The following RELN variants were observed in gnomAD, a reference collection of about 807,000 sequenced individuals.
The protein encoded by RELN is reelin.
Under a neutral mutation model 427.6 loss-of-function variants are expected in RELN, and 108 were observed. The ratio of observed to expected loss-of-function variants is 0.25; its 90% CI spans 0.22 to 0.30. RELN has a LOEUF of 0.30. Among genes scored for constraint, RELN ranks in the 10% least tolerant of loss-of-function variants. The pLI, the probability that RELN is intolerant of heterozygous loss-of-function variation, is 1.00. For missense variants in RELN, 3,715 were observed against 4,302.8 expected (o/e 0.86, Z 3.82); for synonymous variants, 1,524 against 1,513.4 (o/e 1.01, Z -0.16).
chr7:103,553,790 C>A lies in RELN; in HGVS notation c.5839G>T (p.Asp1947Tyr), dbSNP rs932384386. ...ACAGGGTTGTTTACATTATTTCCAT[C>A]GATAATGAAGTCATCAACAATCCAG... ...EIWIVDDFII[D>Y]GNNVNNPVML... The change falls in exon 39 of 65, where the codon GAT becomes TAT. Residue 1947 changes from aspartate (D) to tyrosine (Y), a missense_variant. This residue lies in a region of RELN where 1,310 missense variants were observed against 1,643.0 expected (regional missense o/e 0.80). Transcript: ENST00000428762. 6.2e-7 allele frequency: 1 copy of A among 1,613,790 alleles called. No individual in the cohort carries two copies. The highest frequency in any genetic ancestry group is 1.3e-5 in the African/African-American group (1 of 74,904).
At chr7:103,736,911 G>A (rs1790507882) in intron 6 of RELN, among the ~76,000 whole-genome samples, 1 of 152,168 alleles carries the variant, frequency 6.6e-6, no homozygotes, top group Admixed American at 6.6e-5. Flanking sequence ...GATAGAAAAA[G>A]AGGGGAATGA....
intron 6 of RELN, among the ~76,000 whole-genome samples, chr7:103,738,696 T>A (rs1790559451): frequency 7.2e-6 from 1 of 138,598 alleles, no homozygotes; most frequent in Non-Finnish European, 1.6e-5. Context: ...TTTTTTTTTT[T>A]TTTTTGAGAC....
chr7:103,531,484 T>C (rs771172784), intron 46 of RELN, among the ~76,000 whole-genome samples: 3 of 152,180 alleles, frequency 2.0e-5, no homozygotes, highest in Non-Finnish European at 2.9e-5. Flanking sequence ...TTAGTTTCAG[T>C]GTTCCCTTCC....
chr7:103,595,517 A>C (rs902845321), intron 25 of RELN, among the ~76,000 whole-genome samples: 5 of 152,224 alleles, frequency 3.3e-5, no homozygotes, highest in African/African-American at 1.2e-4. Flanking sequence ...AGTCAAACTT[A>C]TGAACCTTCA....
At chr7:103,593,905 A>G (rs769413194) in intron 26 of RELN, 23 bp from the exon 27 acceptor site, 2 of 1,558,162 alleles carry the variant, frequency 1.3e-6, no homozygotes, top group Non-Finnish European at 1.8e-6. Context: ...ATACAAATAA[A>G]ACAAAAGGCA....
chr7:103,502,483 G>A lies in RELN; in HGVS notation c.8489+533C>T, dbSNP rs924005076. Among the ~76,000 whole-genome samples, 19 of 152,290 alleles carry A rather than the reference G, an allele frequency of 1.2e-4. 1 individual carries two copies. Among genetic ancestry groups the A allele is most frequent in the Admixed American group, 7.2e-4 (11 of 15,296 alleles). The stretch of plus-strand genomic sequence containing the variant: ...TATATCCACAGACTTTGCAGAGCAA[G>A]GTTTAATCACCTCTGCTCATCACTG... On this transcript the variant is annotated intron_variant, in intron 52 of 64. Transcript: ENST00000428762.
At position 103,473,041 on chromosome 7, in the gene RELN, G is replaced by A. The variant is rs190403285; in HGVS notation, c.10287-133C>T. The A allele has an allele frequency of 4.3e-4, 353 of 815,654 alleles. 1 individual carries two copies. In the African/African-American group the frequency reaches 5.3e-3, roughly 12 times the overall value. 50.5% of individuals were successfully genotyped at this position (815,654 alleles called of 1,614,324 possible). ...GTTTGAAAATTTTCAGGGTTAATAG[G>A]TCATGCTCACATTACCACCCAGGGT... On this transcript the variant is annotated intron_variant, in intron 64 of 64. Coordinates refer to ENST00000428762, the MANE Select transcript of RELN (RefSeq NM_005045.4).
At position 103,496,510 on chromosome 7, in the gene RELN, A is replaced by G. The variant is rs186738390; in HGVS notation, c.9193+16T>C. 9 of 1,613,930 alleles carry G rather than the reference A, an allele frequency of 5.6e-6. No individual in the cohort carries two copies. Among genetic ancestry groups the G allele is most frequent in the East Asian group, 4.5e-5 (2 of 44,886 alleles). ...GGCTCACAGGAAAGAAAATTGTTCA[A>G]TGTCTTGTTTCTTACCATCATCAAA... On this transcript the variant is annotated intron_variant, in intron 56 of 64. Transcript: ENST00000428762.
intron 13 of RELN, 118 bp from the exon 14 acceptor site, chr7:103,652,877 G>A (rs1584378969): frequency 1.2e-6 from 1 of 845,232 alleles, no homozygotes; most frequent in East Asian, 2.6e-5. Context: ...TAAGCACCAG[G>A]ACACGTCCTT....
chr7:103,879,676 C>G (rs140369444), intron 2 of RELN, among the ~76,000 whole-genome samples: 7 of 152,150 alleles, frequency 4.6e-5, no homozygotes, highest in African/African-American at 1.7e-4. Context: ...CTGCAACATA[C>G]GCATTTTCAT....
chr7:103,596,439 A>G lies in RELN; in HGVS notation c.3539+17T>C. 1 of 1,602,046 alleles carries G rather than the reference A, an allele frequency of 6.2e-7. No homozygotes were observed. Among genetic ancestry groups the G allele is most frequent in the Non-Finnish European group, 8.5e-7 (1 of 1,169,720 alleles). ...ATTCCTGGAAACTAATGCGAGGACC[A>G]TCAGGTGGGTAGTTACCTGGGTTTG... On this transcript the variant is annotated intron_variant, in intron 25 of 64. Transcript: ENST00000428762.
chr7:103,684,450 A>G (rs906604693), intron 10 of RELN, among the ~76,000 whole-genome samples: 2 of 152,300 alleles, frequency 1.3e-5, no homozygotes, highest in Admixed American at 1.3e-4. Context: ...TTCCTTGGTT[A>G]GGCATTGCTT....
At chr7:103,611,136 T>A (rs548354839) in intron 21 of RELN, among the ~76,000 whole-genome samples, 28 of 152,198 alleles carry the variant, frequency 1.8e-4, no homozygotes, top group Non-Finnish European at 3.5e-4. Context: ...ATTAGTTTAT[T>A]CACTATGATA....
At chr7:103,542,563 G>T (rs756178446) in intron 43 of RELN, among the ~76,000 whole-genome samples, 168 bp downstream of exon 43, 1 of 152,130 alleles carries the variant, frequency 6.6e-6, no homozygotes, top group Non-Finnish European at 1.5e-5. Flanking sequence ...TTTTAGAATA[G>T]AAATTATGTA....
chr7:103,550,479 T>C (rs567693650), intron 41 of RELN, among the ~76,000 whole-genome samples: 8 of 152,342 alleles, frequency 5.3e-5, no homozygotes, highest in Non-Finnish European at 2.9e-5. Context: ...TTTTGAAATA[T>C]ACTTTTCATT....
chr7:103,698,459 G>A (rs1027689579), intron 9 of RELN, among the ~76,000 whole-genome samples: 3 of 152,006 alleles, frequency 2.0e-5, no homozygotes, highest in Non-Finnish European at 2.9e-5. Flanking sequence ...TTTTGCACAT[G>A]GTAAACATAC....
At chr7:103,575,145 TG>T (rs1223790742) in intron 29 of RELN, among the ~76,000 whole-genome samples, 9 of 152,200 alleles carry the variant, frequency 5.9e-5, no homozygotes, top group African/African-American at 2.2e-4. Context: ...TGAATGATCT[TG>T]GGATAGTTAT....
rs1797143483 is a variant in RELN, at chr7:103,988,180, T to C, written c.226+951A>G. Among the ~76,000 whole-genome samples, 1 of 152,210 alleles carries C rather than the reference T, an allele frequency of 6.6e-6. No individual in the cohort carries two copies. Among genetic ancestry groups the C allele is most frequent in the Non-Finnish European group, 1.5e-5 (1 of 68,038 alleles). The stretch of plus-strand genomic sequence containing the variant: ...TGCCTGTCGCTGCTTAAAAGCTCTA[T>C]AGGCATGAAATGTTCAGAAGTCCCA... On this transcript the variant is annotated intron_variant, in intron 1 of 64. Coordinates refer to ENST00000428762, the MANE Select transcript of RELN (RefSeq NM_005045.4). This position sits in a 1 kb window ranked among gnomAD's most constrained non-coding sequence, Gnocchi z 4.9.
intron 2 of RELN, among the ~76,000 whole-genome samples, chr7:103,879,692 T>A (rs1459086625): frequency 6.6e-6 from 1 of 152,198 alleles, no homozygotes; most frequent in African/African-American, 2.4e-5. Flanking sequence ...TTCATCATTT[T>A]GCAGTTTCTC....
Sources: allele counts gnomAD v4.1 joint callset (sites outside exome capture counted in the v4.1 genomes callset), GRCh38; gene constraint gnomAD v4.1.1; regional missense constraint gnomAD v4.1.1; non-coding constraint Gnocchi (gnomAD v3.1); transcripts MANE v1.5; gene names NCBI Gene and HGNC (gene_info 2026-07-23, HGNC 2026-07-21).